CEP63: variants seen among roughly 807,000 people sequenced by gnomAD.
The protein encoded by CEP63 is centrosomal protein of 63 kDa.
A neutral mutation model predicts 89.1 loss-of-function variants in CEP63; 84 were observed. The observed-to-expected ratio is 0.94, with a 90% confidence interval of 0.79 to 1.13. The LOEUF (loss-of-function observed/expected upper bound fraction) is 1.13. Among genes scored for constraint, CEP63 ranks in the 50% most tolerant of loss-of-function variants. CEP63 has a pLI of 0.00. For missense variants in CEP63, 838 were observed against 813.3 expected, an observed-to-expected ratio of 1.03 and a Z score of -0.37; for synonymous variants, 267 against 272.5, an observed-to-expected ratio of 0.98 and a Z score of 0.20.
chr3:134,658,712 AC>A, the CEP63 span, among the ~76,000 whole-genome samples: 1 of 152,200 alleles, frequency 6.6e-6, no homozygotes, highest in Non-Finnish European at 1.5e-5. Context: ...AGAAGGTTAA[AC>A]GAGGACAAGA....
chr3:134,524,080 A>AT (rs1289010499), intron 3 of CEP63, among the ~76,000 whole-genome samples: 2 of 151,284 alleles, frequency 1.3e-5, no homozygotes, highest in Admixed American at 1.3e-4. Context: ...AGTGTTGTAT[A>AT]TTTTTTCTAT....
At position 134,559,133 on chromosome 3, in the gene CEP63, TC is replaced by T; in HGVS notation, c.1674-16del. The stretch of plus-strand genomic sequence containing the variant: ...CTACAATTTTTTATTTGTTTTGTTT[TC>T]TAATCTACCATCCAGGCCAACCCAT... On this transcript the variant is annotated splice_polypyrimidine_tract_variant and intron_variant, in intron 13 of 14. Coordinates refer to ENST00000675561, the MANE Select transcript of CEP63 (RefSeq NM_001353108.3). The T allele has an allele frequency of 6.2e-7, 1 of 1,612,784 alleles. No individual in the cohort carries two copies. The highest frequency in any genetic ancestry group is 1.1e-5 in the South Asian group (1 of 90,706).
chr3:134,730,311 A>C, the CEP63 span, among the ~76,000 whole-genome samples: 2 of 152,174 alleles, frequency 1.3e-5, no homozygotes, highest in South Asian at 2.1e-4. Flanking sequence ...ATCATAGGTA[A>C]AAATATTTAG....
At chr3:134,519,975 A>G (rs1214465278) in intron 3 of CEP63, among the ~76,000 whole-genome samples, 1 of 152,212 alleles carries the variant, frequency 6.6e-6, no homozygotes, top group Non-Finnish European at 1.5e-5. Flanking sequence ...GCAAGTAGCA[A>G]TTAATGTAAC....
chr3:134,545,580 T>G lies in CEP63; in HGVS notation c.556-6T>G. The G allele has an allele frequency of 6.2e-7, 1 of 1,605,910 alleles. No homozygotes were observed. On this transcript the variant is annotated splice_region_variant and splice_polypyrimidine_tract_variant and intron_variant, in intron 6 of 14. Transcript: ENST00000675561. ...TTACCTATTGATTGATAGTCTGTGTTTCTAGGCTCAGCTTGTCAATCGGAA... is the reference window on the plus strand; with the variant it reads ...TTACCTATTGATTGATAGTCTGTGTGTCTAGGCTCAGCTTGTCAATCGGAA...
the CEP63 span, among the ~76,000 whole-genome samples, chr3:134,631,618 T>C: frequency 6.6e-6 from 1 of 152,140 alleles, no homozygotes; most frequent in African/African-American, 2.4e-5. Flanking sequence ...TATATGGAGG[T>C]AAGACTTCCT....
At chr3:134,647,996 A>G in the CEP63 span, among the ~76,000 whole-genome samples, 1 of 152,264 alleles carries the variant, frequency 6.6e-6, no homozygotes, top group Non-Finnish European at 1.5e-5. Flanking sequence ...TGGCCTAGCC[A>G]TGGCCAATCT....
chr3:134,648,432 A>G, the CEP63 span, among the ~76,000 whole-genome samples: 2 of 152,150 alleles, frequency 1.3e-5, no homozygotes. Flanking sequence ...AACCACATAG[A>G]CTTTTGGGAT....
In CEP63 at chr3:134,550,151, T is replaced by C; in HGVS notation, c.1271T>C (p.Leu424Ser). 6.2e-7 allele frequency: 1 copy of C among 1,613,774 alleles called. No homozygotes were observed. The highest frequency in any genetic ancestry group is 8.5e-7 in the Non-Finnish European group (1 of 1,179,674). Residue 424 changes from leucine (L) to serine (S), a missense_variant, in exon 11 of 15, where the codon TTA (leucine) becomes TCA (serine). Physicochemically the swap from Leu to Ser is moderately radical, Grantham distance 145. Transcript: ENST00000675561. ...GAAATCTCCCATCTAACTCAGGAGT[T>C]ACATCAGCGAGATATCACTATTGCT... is the stretch of plus-strand genomic sequence containing the variant. Reference protein sequence around the residue: ...KMEISHLTQELHQRDITIAST... With the variant: ...KMEISHLTQESHQRDITIAST...
intron 10 of CEP63, among the ~76,000 whole-genome samples, chr3:134,586,135 C>T (rs1958479871): frequency 6.8e-6 from 1 of 147,000 alleles, no homozygotes; most frequent in Non-Finnish European, 1.5e-5. Context: ...ACTGATGGGT[C>T]TTGACTATCT....
At chr3:134,595,087 G>A in the CEP63 span, among the ~76,000 whole-genome samples, 2 of 152,198 alleles carry the variant, frequency 1.3e-5, no homozygotes, top group Non-Finnish European at 2.9e-5. Context: ...GTTTGGCTGT[G>A]TCCCCAACCA....
the CEP63 span, among the ~76,000 whole-genome samples, chr3:134,692,557 C>A: frequency 2.0e-5 from 3 of 152,186 alleles, no homozygotes; most frequent in East Asian, 5.8e-4. Flanking sequence ...TTCTGCAAAA[C>A]TCCTTTGTTT....
exon 12 of CEP63, chr3:134,574,873 G>T (rs1488713329): frequency 1.8e-6 from 1 of 557,254 alleles, no homozygotes; most frequent in Non-Finnish European, 3.3e-6. Context: ...GTCCCAAAGT[G>T]CTGGAATTAC....
intron 3 of CEP63, among the ~76,000 whole-genome samples, chr3:134,525,563 CATG>C (rs1948469414): frequency 6.6e-6 from 1 of 152,134 alleles, no homozygotes; most frequent in Non-Finnish European, 1.5e-5. Flanking sequence ...TTGATTCTCT[CATG>C]ATGATGTTAG....
At position 134,558,159 on chromosome 3, in the gene CEP63, A is replaced by G. The variant is rs1271504865; in HGVS notation, c.1485A>G (p.Leu495=). Residue 495 remains leucine (L), a synonymous_variant, in exon 13 of 15, where the codon CTA becomes CTG. Coordinates refer to ENST00000675561, the MANE Select transcript of CEP63 (RefSeq NM_001353108.3). ...LGLHEAKEIS[L]ADLQENYIEA... Reference sequence around the variant, plus strand: ...TTTATTAGGCAAAAGAGATTTCACTAGCAGACCTCCAGGAGAATTATATTG... The same window carrying G: ...TTTATTAGGCAAAAGAGATTTCACTGGCAGACCTCCAGGAGAATTATATTG... 1.9e-6 allele frequency: 3 copies of G among 1,613,370 alleles called. No homozygotes were observed. Among genetic ancestry groups the G allele is most frequent in the East Asian group, 4.5e-5 (2 of 44,798 alleles).
At chr3:134,727,645 A>G in the CEP63 span, among the ~76,000 whole-genome samples, 1 of 152,254 alleles carries the variant, frequency 6.6e-6, no homozygotes, top group African/African-American at 2.4e-5. Flanking sequence ...GTCAATCTAT[A>G]GACTTCTTAA....
At chr3:134,569,827 C>A (rs1320875945), downstream of CEP63, among the ~76,000 whole-genome samples, 4 of 152,368 alleles carry the variant, frequency 2.6e-5, no homozygotes, top group East Asian at 3.9e-4. Context: ...GAAGACCCAA[C>A]CTCTGCAGCA....
At chr3:134,642,366 G>A in the CEP63 span, among the ~76,000 whole-genome samples, 2 of 152,200 alleles carry the variant, frequency 1.3e-5, no homozygotes, top group African/African-American at 4.8e-5. Context: ...GAGCAAGCGT[G>A]ATGAACTCTT....
At chr3:134,597,169 G>C in the CEP63 span, among the ~76,000 whole-genome samples, 1 of 152,176 alleles carries the variant, frequency 6.6e-6, no homozygotes, top group Non-Finnish European at 1.5e-5. Context: ...TTAAGTAAGA[G>C]TGCAGCATGG....
Sources: gnomAD v4.1 joint callset for allele counts (sites outside exome capture counted in the v4.1 genomes callset) on GRCh38, gnomAD v4.1.1 for gene constraint, MANE v1.5 for transcripts, NCBI Gene and HGNC (gene_info 2026-07-23, HGNC 2026-07-21) for gene names.